The following PDE4D variants were observed in gnomAD, a reference collection of about 807,000 sequenced individuals.
PDE4D encodes the protein 3',5'-cyclic-AMP phosphodiesterase 4D.
PDE4D carries 24 observed loss-of-function variants against 87.4 expected under a neutral mutation model. That is an observed-to-expected ratio of 0.27 (90% CI 0.20 to 0.39). PDE4D has a LOEUF of 0.39. Ranked by LOEUF, PDE4D falls within the 10% of genes least tolerant of loss-of-function variation. The probability of loss-of-function intolerance (pLI) is 1.00; values close to 1 mark genes in which losing one functional copy is unlikely to be tolerated. For missense variants in PDE4D, 714 were observed against 1,041.0 expected (o/e 0.69, Z 4.32); for synonymous variants, 384 against 383.2 (o/e 1.00, Z -0.02).
Position 60,244,564 on chromosome 5 carries a change from A to C in PDE4D, c.-89-58877T>G, listed in dbSNP as rs187237190. On this transcript the variant is annotated intron_variant, in intron 1 of 16. Coordinates refer to the PDE4D transcript ENST00000502484. The stretch of plus-strand genomic sequence containing the variant: ...CTTCCAAATTATACTATAGAGCTAT[A>C]GTAACAAAAACAGCATGGTATTGGC... Among the ~76,000 whole-genome samples the C allele has an allele frequency of 2.2e-3, 341 of 152,198 alleles. 2 individuals carry two copies. The highest frequency in any genetic ancestry group is 7.8e-3 in the African/African-American group (326 of 41,572).
At chr5:60,371,975 G>A (rs1583556872) in intron 1 of PDE4D, among the ~76,000 whole-genome samples, 1 of 152,214 alleles carries the variant, frequency 6.6e-6, no homozygotes, top group East Asian at 1.9e-4. Flanking sequence ...CATTTCCACT[G>A]GACTATAAAA....
At chr5:59,596,101 A>T (rs1826643238) in intron 1 of PDE4D, among the ~76,000 whole-genome samples, 2 of 151,730 alleles carry the variant, frequency 1.3e-5, no homozygotes, top group Admixed American at 1.3e-4. Context: ...AATGCCATTT[A>T]AAATCCAAAG....
chr5:59,924,513 G>C (rs1000711312), intron 3 of PDE4D, among the ~76,000 whole-genome samples: 2 of 151,210 alleles, frequency 1.3e-5, no homozygotes, highest in Non-Finnish European at 2.9e-5. Context: ...ATATATAGTG[G>C]CGCTCCAAAA....
In PDE4D at chr5:59,971,881, A is replaced by C. The variant is rs961923472; in HGVS notation, c.272+16607T>G. On this transcript the variant is annotated intron_variant, in intron 3 of 16. Coordinates refer to the PDE4D transcript ENST00000502484. ...AATGATGGATTGACATAAGCAGGAA[A>C]AGGAATCCATCAAAAGAATATAGGA... is the stretch of plus-strand genomic sequence containing the variant. Among the ~76,000 whole-genome samples, 3 of 152,172 alleles carry C rather than the reference A, an allele frequency of 2.0e-5. No homozygotes were observed. In the East Asian group the frequency reaches 5.8e-4, roughly 29 times the overall value.
intron 5 of PDE4D, among the ~76,000 whole-genome samples, chr5:59,065,067 T>TACAC (rs10563874): frequency 4.0e-4 from 36 of 89,318 alleles, no homozygotes; most frequent in South Asian, 2.5e-3. Flanking sequence ...GATATATATA[T>TACAC]ACACACACAC....
chr5:59,143,295 C>A (rs1778175344), intron 5 of PDE4D, among the ~76,000 whole-genome samples: 1 of 151,930 alleles, frequency 6.6e-6, no homozygotes, highest in Non-Finnish European at 1.5e-5. Flanking sequence ...CAAACACAAA[C>A]TTCAGTTGCC....
At chr5:60,240,428 C>T (rs1746960686) in intron 1 of PDE4D, among the ~76,000 whole-genome samples, 2 of 152,130 alleles carry the variant, frequency 1.3e-5, no homozygotes. Context: ...CATTTCTGGA[C>T]CTGCCCTGAG....
At chr5:60,094,864 G>A (rs1775506820) in intron 2 of PDE4D, among the ~76,000 whole-genome samples, 1 of 152,052 alleles carries the variant, frequency 6.6e-6, no homozygotes, top group Middle Eastern at 3.4e-3. Context: ...TGTTATGGAA[G>A]CCCTACAGTT....
At chr5:60,522,035 C>T (rs11957512) in intron 1 of PDE4D, 16,543 of 152,038 alleles carry the variant, frequency 0.11, 951 homozygotes, top group Middle Eastern at 0.15. Context: ...ACAAACACCT[C>T]AGACCATTAA....
intron 2 of PDE4D, among the ~76,000 whole-genome samples, chr5:60,119,882 A>G (rs1389972765): frequency 6.6e-6 from 1 of 152,178 alleles, no homozygotes; most frequent in Non-Finnish European, 1.5e-5. Context: ...TCAAGAAGAG[A>G]TTTGGGTGTC....
At chr5:59,616,141 C>T (rs796161135) in intron 1 of PDE4D, among the ~76,000 whole-genome samples, 4 of 152,080 alleles carry the variant, frequency 2.6e-5, no homozygotes, top group African/African-American at 9.6e-5. Context: ...CACAACAGGC[C>T]CTGGTGTGTG....
intron 1 of PDE4D, among the ~76,000 whole-genome samples, chr5:60,401,442 A>G (rs900419781): frequency 6.6e-6 from 1 of 152,270 alleles, no homozygotes; most frequent in Non-Finnish European, 1.5e-5. Context: ...CTGAAGCTGC[A>G]AAGAGTAAAT....
rs1439335267 is a variant in PDE4D at position 59,654,300 on chromosome 5, GT to G, written c.455+238867del. Among the ~76,000 whole-genome samples the G allele has an allele frequency of 2.0e-5, 3 of 152,262 alleles. No individual in the cohort carries two copies. In the East Asian group the frequency reaches 5.8e-4, roughly 29 times the overall value. On this transcript the variant is annotated intron_variant, in intron 1 of 14. Coordinates refer to ENST00000340635, the MANE Select transcript of PDE4D (RefSeq NM_001104631.2). ...ATAACAATGACTTTTATCATCTAGCGTTTTTCAGTACTTGCTAGTTCCAGAC... is the reference window on the plus strand; with the variant it reads ...ATAACAATGACTTTTATCATCTAGCGTTTTCAGTACTTGCTAGTTCCAGAC...
At chr5:60,132,499 A>G (rs906520566) in intron 2 of PDE4D, among the ~76,000 whole-genome samples, 2 of 152,172 alleles carry the variant, frequency 1.3e-5, no homozygotes, top group Non-Finnish European at 2.9e-5. Flanking sequence ...TCAGTAAAAA[A>G]TAATAGAATC....
intron 5 of PDE4D, among the ~76,000 whole-genome samples, chr5:59,115,052 T>C (rs530154738): frequency 6.6e-6 from 1 of 150,848 alleles, no homozygotes; most frequent in South Asian, 2.1e-4. Flanking sequence ...CATCAAAGAG[T>C]AGGTCAAAGA....
In PDE4D at chr5:59,622,154, G is replaced by A. The variant is rs140971897; in HGVS notation, c.455+271014C>T. ...TGACTTAGAAAACAGAGTTCTTTCC[G>A]CTACACTATTTTCTTTATATATATA... is the stretch of plus-strand genomic sequence containing the variant. On this transcript the variant is annotated intron_variant, in intron 1 of 14. Transcript: ENST00000340635. Among the ~76,000 whole-genome samples the A allele has an allele frequency of 3.6e-4, 54 of 151,996 alleles. No individual in the cohort carries two copies. In the East Asian group the frequency reaches 7.1e-3, roughly 20 times the overall value.
intron 5 of PDE4D, among the ~76,000 whole-genome samples, chr5:59,176,826 G>T (rs753957157): frequency 6.6e-6 from 1 of 152,194 alleles, no homozygotes; most frequent in Non-Finnish European, 1.5e-5. Context: ...GAACAACAGT[G>T]TATCATCTCT....
rs139398469 is a variant in PDE4D, at chr5:60,137,045, G to A, written c.42+48512C>T. The stretch of plus-strand genomic sequence containing the variant: ...CATGCGTTCTGATCATCACTTATAA[G>A]TGAGAACATGTGGTATTTGGTTTTC... On this transcript the variant is annotated intron_variant, in intron 2 of 16. Transcript: ENST00000502484. Among the ~76,000 whole-genome samples the A allele has an allele frequency of 2.4e-3, 367 of 152,228 alleles. 1 individual carries two copies. Among genetic ancestry groups the A allele is most frequent in the Admixed American group, 5.8e-3 (88 of 15,274 alleles).
At chr5:60,367,093 A>AT (rs950518508) in intron 1 of PDE4D, among the ~76,000 whole-genome samples, 58 of 151,638 alleles carry the variant, frequency 3.8e-4, no homozygotes, top group Non-Finnish European at 7.1e-4. Context: ...TGGAGAACCA[A>AT]TTTTTTTTTG....
Sources: gnomAD v4.1 joint callset for allele counts (sites outside exome capture counted in the v4.1 genomes callset) on GRCh38, gnomAD v4.1.1 for gene constraint, MANE v1.5 for transcripts, NCBI Gene and HGNC (gene_info 2026-07-23, HGNC 2026-07-21) for gene names.